ARID2: variants seen among roughly 807,000 people sequenced by gnomAD.
ARID2 encodes AT-rich interaction domain 2.
In ARID2, 32 loss-of-function variants were observed where a neutral mutation model predicts 184.6. The observed-to-expected ratio is 0.17, with a 90% confidence interval of 0.13 to 0.23. ARID2 has a LOEUF of 0.23. Among genes scored for constraint, ARID2 ranks in the 10% least tolerant of loss-of-function variants. The probability of loss-of-function intolerance (pLI) is 1.00; values close to 1 mark genes in which losing one functional copy is unlikely to be tolerated. For missense variants in ARID2, 1,696 were observed against 2,197.6 expected (o/e 0.77, Z 4.56); for synonymous variants, 836 against 772.6 (o/e 1.08, Z -1.36).
intron 6 of ARID2, 58 bp from the exon 7 acceptor site, chr12:45,836,531 C>CT: frequency 6.7e-7 from 1 of 1,496,628 alleles, no homozygotes; most frequent in Non-Finnish European, 9.1e-7. Flanking sequence ...GTGACTATTT[C>CT]TAAAGCAATA....
At chr12:45,836,172 A>T (rs1943217732) in intron 6 of ARID2, among the ~76,000 whole-genome samples, 1 of 152,200 alleles carries the variant, frequency 6.6e-6, no homozygotes, top group African/African-American at 2.4e-5. Context: ...ATAAGTAGAA[A>T]CATTATTTTC....
intron 3 of ARID2, among the ~76,000 whole-genome samples, chr12:45,756,625 A>C (rs1941577097): frequency 6.6e-6 from 1 of 152,224 alleles, no homozygotes. Context: ...AATTTTTCCC[A>C]AACTTCCCTA....
intron 20 of ARID2, among the ~76,000 whole-genome samples, chr12:45,898,485 G>C (rs1175514755): frequency 6.6e-6 from 1 of 152,198 alleles, no homozygotes; most frequent in African/African-American, 2.4e-5. Context: ...ACACAACAAA[G>C]GAAGGATTTG....
At chr12:45,739,507 T>TA (rs1293530966) in intron 3 of ARID2, among the ~76,000 whole-genome samples, 1 of 147,060 alleles carries the variant, frequency 6.8e-6, no homozygotes, top group African/African-American at 2.6e-5. Flanking sequence ...TGCAGAAAGT[T>TA]ACTTTTTATG....
rs773629227 is a variant in ARID2, at chr12:45,817,808, A to G, written c.557A>G (p.Glu186Gly). The G allele has an allele frequency of 6.2e-7, 1 of 1,613,516 alleles. No homozygotes were observed. The highest frequency in any genetic ancestry group is 8.5e-7 in the Non-Finnish European group (1 of 1,179,808). ...AACGTATGCACTCTCCTATCAAATG[A>G]AAGCAAGCACGTCATGCAACTTGAA... ...AINVCTLLSN[E>G]SKHVMQLEKD... The change falls in exon 5 of 21, where the codon GAA (glutamate) becomes GGA (glycine). Residue 186 changes from glutamate (E) to glycine (G), a missense_variant. This residue lies in a region of ARID2 where 148 missense variants were observed against 285.4 expected (regional missense o/e 0.52). Coordinates refer to ENST00000334344, the MANE Select transcript of ARID2 (RefSeq NM_152641.4).
intron 3 of ARID2, among the ~76,000 whole-genome samples, chr12:45,748,220 T>G (rs559560721): frequency 6.4e-4 from 97 of 152,170 alleles, no homozygotes; most frequent in African/African-American, 2.3e-3. Context: ...AGACCCTGTC[T>G]CTACAAAAGA....
intron 3 of ARID2, among the ~76,000 whole-genome samples, chr12:45,786,943 C>T (rs1203550742): frequency 5.9e-5 from 9 of 152,110 alleles, no homozygotes; most frequent in Non-Finnish European, 1.3e-4. Flanking sequence ...AGGTCACACT[C>T]ATAAAACAAA....
chr12:45,870,953 A>G (rs1013556624), intron 16 of ARID2, among the ~76,000 whole-genome samples: 5 of 152,198 alleles, frequency 3.3e-5, no homozygotes, highest in South Asian at 2.1e-4. Context: ...TAGTTTTTCA[A>G]CTAACTCATT....
intron 6 of ARID2, among the ~76,000 whole-genome samples, chr12:45,833,467 A>AT (rs1160677779): frequency 1.3e-5 from 2 of 151,494 alleles, no homozygotes; most frequent in Non-Finnish European, 2.9e-5. Context: ...CTTGAAACTG[A>AT]TTTTTGTCTT....
intron 3 of ARID2, among the ~76,000 whole-genome samples, chr12:45,808,496 G>C (rs1052481820): frequency 6.6e-6 from 1 of 152,134 alleles, no homozygotes; most frequent in Non-Finnish European, 1.5e-5. Context: ...AATACTGTTA[G>C]ACTATTACAA....
intron 3 of ARID2, among the ~76,000 whole-genome samples, chr12:45,761,711 T>C (rs1382826055): frequency 1.3e-5 from 2 of 152,234 alleles, no homozygotes. Flanking sequence ...CTTTTTTTTT[T>C]CCTTATCTTT....
At chr12:45,750,484 G>A (rs755687933) in intron 3 of ARID2, among the ~76,000 whole-genome samples, 1 of 152,150 alleles carries the variant, frequency 6.6e-6, no homozygotes, top group Non-Finnish European at 1.5e-5. Flanking sequence ...AAATGATGCC[G>A]ATAGACTTGC....
chr12:45,868,626 C>T (rs1943868228), intron 16 of ARID2, among the ~76,000 whole-genome samples: 1 of 152,032 alleles, frequency 6.6e-6, no homozygotes, highest in South Asian at 2.1e-4. Flanking sequence ...AATATTTTTA[C>T]TTTTTGATTA....
At chr12:45,730,438 C>T (rs1289594243) in intron 2 of ARID2, among the ~76,000 whole-genome samples, 2 of 143,500 alleles carry the variant, frequency 1.4e-5, no homozygotes, top group African/African-American at 5.0e-5. Flanking sequence ...TGCGGGCGTG[C>T]GGGGCGCCAG....
chr12:45,899,035 A>C (rs957136424), intron 20 of ARID2, among the ~76,000 whole-genome samples: 1 of 152,028 alleles, frequency 6.6e-6, no homozygotes, highest in Non-Finnish European at 1.5e-5. Context: ...GTACTTTGGG[A>C]GGCTGAGGCA....
chr12:45,878,539 TG>T (rs1198489005), intron 16 of ARID2, among the ~76,000 whole-genome samples: 1 of 152,184 alleles, frequency 6.6e-6, no homozygotes, highest in Non-Finnish European at 1.5e-5. Flanking sequence ...TGAAAGACAT[TG>T]TTTATTTCTG....
At chr12:45,775,398 G>A (rs897422031) in intron 3 of ARID2, among the ~76,000 whole-genome samples, 2 of 152,148 alleles carry the variant, frequency 1.3e-5, no homozygotes, top group Admixed American at 6.5e-5. Context: ...ATGCCCTTGG[G>A]TTTTGGTTAG....
chr12:45,821,235 TTAAATC>T (rs2138098507), intron 5 of ARID2, among the ~76,000 whole-genome samples, 179 bp from the exon 6 acceptor site: 1 of 152,278 alleles, frequency 6.6e-6, no homozygotes, highest in Non-Finnish European at 1.5e-5. Context: ...CAAATTTTCT[TTAAATC>T]TAAAAACAAT....
At chr12:45,835,495 A>T (rs1943202374) in intron 6 of ARID2, among the ~76,000 whole-genome samples, 1 of 147,574 alleles carries the variant, frequency 6.8e-6, no homozygotes, top group Admixed American at 6.7e-5. Context: ...AAGAACTTTG[A>T]TTCCAAAAAA....
Sources: gnomAD v4.1 joint callset for allele counts (sites outside exome capture counted in the v4.1 genomes callset) on GRCh38, gnomAD v4.1.1 for gene constraint, gnomAD v4.1.1 regional missense constraint, MANE v1.5 for transcripts, NCBI Gene and HGNC (gene_info 2026-07-23, HGNC 2026-07-21) for gene names.